The following KLHL7 variants were observed in gnomAD, a reference collection of about 807,000 sequenced individuals.
The protein encoded by KLHL7 is kelch-like protein 7.
Under a neutral mutation model 67.4 loss-of-function variants are expected in KLHL7, and 44 were observed. The ratio of observed to expected loss-of-function variants is 0.65; its 90% CI spans 0.51 to 0.84. The LOEUF is 0.84. Among genes scored for constraint, KLHL7 ranks in the 40% least tolerant of loss-of-function variants. The pLI is 0.00. For synonymous variants in KLHL7, 252 were observed against 243.3 expected (o/e 1.04, Z -0.33); for missense variants, 362 against 718.1 (o/e 0.50, Z 5.67).
chr7:23,126,378 C>T (rs1352480334), intron 4 of KLHL7, among the ~76,000 whole-genome samples: 1 of 152,140 alleles, frequency 6.6e-6, no homozygotes, highest in African/African-American at 2.4e-5. Context: ...TACTCTAATT[C>T]CATTTTCCTA....
At position 23,114,827 on chromosome 7, in the gene KLHL7, T is replaced by A. The variant is rs186668201; in HGVS notation, c.120+8681T>A. Among the ~76,000 whole-genome samples, 225 of 152,304 alleles carry A rather than the reference T, an allele frequency of 1.5e-3. 2 individuals carry two copies. The highest frequency in any genetic ancestry group is 1.8e-3 in the Non-Finnish European group (125 of 68,006). On this transcript the variant is annotated intron_variant, in intron 1 of 10. Coordinates refer to ENST00000339077, the MANE Select transcript of KLHL7 (RefSeq NM_001031710.3). ...CAAATTTTTCTAAGCCAAGGTGTCATAGCTCTCTAGATGTTCTGTGGTGAA... is the reference window on the plus strand; with the variant it reads ...CAAATTTTTCTAAGCCAAGGTGTCAAAGCTCTCTAGATGTTCTGTGGTGAA...
At chr7:23,120,486 G>A (rs192987286) in intron 1 of KLHL7, among the ~76,000 whole-genome samples, 1 of 152,226 alleles carries the variant, frequency 6.6e-6, no homozygotes, top group Admixed American at 6.5e-5. Context: ...AACAAATCAG[G>A]CTAATTAGCA....
At chr7:23,131,257 C>G (rs1174975662) in intron 4 of KLHL7, among the ~76,000 whole-genome samples, 3 of 152,124 alleles carry the variant, frequency 2.0e-5, no homozygotes, top group Admixed American at 1.3e-4. Flanking sequence ...TGAAACAAGA[C>G]CTTGTACAGC....
chr7:23,116,871 A>G (rs1783110336), intron 1 of KLHL7, among the ~76,000 whole-genome samples: 1 of 152,180 alleles, frequency 6.6e-6, no homozygotes, highest in African/African-American at 2.4e-5. Context: ...GCCATATAGC[A>G]AATACCACAC....
At chr7:23,124,011 A>C in intron 2 of KLHL7, 132 bp downstream of exon 2, 2 of 695,962 alleles carry the variant, frequency 2.9e-6, no homozygotes, top group Non-Finnish European at 5.0e-6. Flanking sequence ...GAAGAGATTG[A>C]AAAAGTAGTC....
intron 1 of KLHL7, among the ~76,000 whole-genome samples, chr7:23,119,069 T>C (rs1783219570): frequency 6.6e-6 from 1 of 152,070 alleles, no homozygotes; most frequent in Non-Finnish European, 1.5e-5. Flanking sequence ...AAACCTTGTC[T>C]CAAAAAAGAA....
At chr7:23,125,236 T>C in intron 4 of KLHL7, 64 bp downstream of exon 4, 1 of 1,545,358 alleles carries the variant, frequency 6.5e-7, no homozygotes, top group Non-Finnish European at 8.9e-7. Context: ...TAATTTAATT[T>C]TTTAAAAAGG....
intron 4 of KLHL7, among the ~76,000 whole-genome samples, chr7:23,127,183 A>G (rs556368189): frequency 2.0e-5 from 3 of 152,336 alleles, no homozygotes; most frequent in East Asian, 1.9e-4. Flanking sequence ...GGGTGATTCA[A>G]CTACAAAGAA....
intron 6 of KLHL7, among the ~76,000 whole-genome samples, chr7:23,145,352 T>A (rs1209463940): frequency 6.6e-6 from 1 of 152,194 alleles, no homozygotes; most frequent in African/African-American, 2.4e-5. Flanking sequence ...TCTAATTTAT[T>A]ATTTCATGGC....
intron 4 of KLHL7, among the ~76,000 whole-genome samples, chr7:23,134,493 C>T (rs777705858): frequency 6.6e-6 from 1 of 152,084 alleles, no homozygotes; most frequent in African/African-American, 2.4e-5. Context: ...GTATTCCCCC[C>T]TCTTCTGTTT....
intron 7 of KLHL7, among the ~76,000 whole-genome samples, chr7:23,163,042 T>C (rs1011472080): frequency 2.0e-5 from 3 of 152,248 alleles, no homozygotes; most frequent in African/African-American, 7.2e-5. Context: ...TTTGAGGATC[T>C]ATGTGTTTTC....
In KLHL7 at chr7:23,125,013, A is replaced by G. The variant is rs369938124; in HGVS notation, c.318-35A>G. On this transcript the variant is annotated intron_variant, in intron 3 of 10. Coordinates refer to ENST00000339077, the MANE Select transcript of KLHL7 (RefSeq NM_001031710.3). ...AGTAACATTTAAATAATAAAAAATC[A>G]TGGGTAACTAATATTCCCTCTAACT... The G allele has an allele frequency of 8.2e-6, 13 of 1,583,070 alleles. No individual in the cohort carries two copies. In the African/African-American group the frequency reaches 1.1e-4, roughly 13 times the overall value.
chr7:23,176,763 C>G lies in KLHL7; in HGVS notation c.*2465C>G, dbSNP rs1262838101. 6.6e-6 allele frequency: 1 copy of G among 151,562 alleles called. No individual in the cohort carries two copies. Among genetic ancestry groups the G allele is most frequent in the Non-Finnish European group, 1.5e-5 (1 of 68,144 alleles). The allele number at this position is 151,562 out of a possible 1,614,324, so 9.4% of individuals were successfully genotyped here. On this transcript the variant is annotated 3_prime_UTR_variant, in exon 11 of 11. Transcript: ENST00000339077. ...CCGAGGCGGGTGGATTACCTGAGGT[C>G]AGGAGTTTGAGACCAGCCTGGACAA... is the stretch of plus-strand genomic sequence containing the variant.
At chr7:23,124,265 G>A (rs966756211) in intron 2 of KLHL7, among the ~76,000 whole-genome samples, 1 of 126,956 alleles carries the variant, frequency 7.9e-6, no homozygotes, top group Non-Finnish European at 1.6e-5. Context: ...AGACAAAGAA[G>A]CAGATAAATT....
chr7:23,106,299 G>C, intron 1 of KLHL7, 153 bp downstream of exon 1: 1 of 1,508,380 alleles, frequency 6.6e-7, no homozygotes. Context: ...CGATTCCGCA[G>C]TTGGTAGAGG....
chr7:23,140,770 T>G lies in KLHL7; in HGVS notation c.444T>G (p.Gly148=). ...KEQVDASNCL[G]ISVLAECLDC... The stretch of plus-strand genomic sequence containing the variant: ...CTTTTATTTTCTTTCTGTGTTTAGG[T>G]ATAAGTGTGCTAGCGGAGTGTCTAG... The change falls in exon 5 of 11, where the codon GGT becomes GGG. Residue 148 remains glycine, a splice_region_variant and synonymous_variant. Coordinates refer to ENST00000339077, the MANE Select transcript of KLHL7 (RefSeq NM_001031710.3). 1 of 1,612,960 alleles carries G rather than the reference T, an allele frequency of 6.2e-7. No homozygotes were observed. The highest frequency in any genetic ancestry group is 1.3e-5 in the African/African-American group (1 of 75,026).
chr7:23,168,081 A>T, intron 9 of KLHL7, 44 bp downstream of exon 9: 2 of 1,565,110 alleles, frequency 1.3e-6, no homozygotes, highest in Non-Finnish European at 1.8e-6. Context: ...ACTGTATTCT[A>T]TAAGCTCTGT....
intron 4 of KLHL7, among the ~76,000 whole-genome samples, chr7:23,128,080 C>T (rs1783646421): frequency 6.6e-6 from 1 of 151,454 alleles, no homozygotes; most frequent in South Asian, 2.1e-4. Context: ...AGTGAGTGAG[C>T]CGAGATTGCG....
intron 7 of KLHL7, among the ~76,000 whole-genome samples, chr7:23,156,404 TAA>T (rs1470108848): frequency 1.3e-5 from 2 of 152,244 alleles, no homozygotes; most frequent in African/African-American, 4.8e-5. Flanking sequence ...TAGTGGTTTC[TAA>T]AAGAGTTATG....
Sources: allele counts gnomAD v4.1 joint callset (sites outside exome capture counted in the v4.1 genomes callset), GRCh38; gene constraint gnomAD v4.1.1; transcripts MANE v1.5; gene names NCBI Gene and HGNC (gene_info 2026-07-23, HGNC 2026-07-21).